Variants in AGBL1 observed in about 807,000 individuals in gnomAD.
The protein encoded by AGBL1 is AGBL carboxypeptidase 1.
AGBL1 carries 130 observed loss-of-function variants against 118.9 expected under a neutral mutation model. The observed-to-expected ratio is 1.09, with a 90% CI of 0.95 to 1.26. AGBL1 has a LOEUF of 1.26. Among genes scored for constraint, AGBL1 ranks in the 50% most tolerant of loss-of-function variants. The probability of loss-of-function intolerance (pLI) is 0.00; values close to 1 mark genes in which losing one functional copy is unlikely to be tolerated. For missense variants in AGBL1, 1,584 were observed against 1,298.1 expected, an observed-to-expected ratio of 1.22 and a Z score of -3.38; for synonymous variants, 555 against 478.9, an observed-to-expected ratio of 1.16 and a Z score of -2.08.
intron 1 of AGBL1, among the ~76,000 whole-genome samples, chr15:86,103,224 T>G (rs114884950): frequency 6.0e-4 from 92 of 152,318 alleles, no homozygotes; most frequent in Admixed American, 1.6e-3. Context: ...ATTTGTATTG[T>G]TCATCTGTGT....
At chr15:86,797,493 G>A (rs1201974113) in intron 22 of AGBL1, among the ~76,000 whole-genome samples, 8 of 152,150 alleles carry the variant, frequency 5.3e-5, no homozygotes, top group Non-Finnish European at 1.0e-4. Flanking sequence ...TGCTCACTCT[G>A]AGAAATAAAA....
intron 22 of AGBL1, among the ~76,000 whole-genome samples, chr15:86,676,686 C>T (rs538468887): frequency 2.0e-4 from 31 of 152,144 alleles, no homozygotes; most frequent in Non-Finnish European, 2.9e-4. Context: ...CTCCTCCTGC[C>T]TCTTTCTTTG....
intron 1 of AGBL1, among the ~76,000 whole-genome samples, chr15:86,139,275 T>C (rs1043689661): frequency 6.6e-6 from 1 of 151,328 alleles, no homozygotes; most frequent in Non-Finnish European, 1.5e-5. Flanking sequence ...AAGTCCACAC[T>C]GTCTCTGAGT....
At position 86,712,231 on chromosome 15, in the gene AGBL1, T is replaced by C. The variant is rs545712966; in HGVS notation, c.3158+37795T>C. Among the ~76,000 whole-genome samples, 13 of 152,204 alleles carry C rather than the reference T, an allele frequency of 8.5e-5. No individual in the cohort carries two copies. In the East Asian group the frequency reaches 2.5e-3, roughly 29 times the overall value. The stretch of plus-strand genomic sequence containing the variant: ...GTTTATCATGGATTTAGGGTAGAAA[T>C]AATTAAAACAAACAAAGCAATAATA... On this transcript the variant is annotated intron_variant, in intron 22 of 22. Transcript: ENST00000614907.
chr15:87,021,161 C>T (rs2081660630), intron 24 of AGBL1, among the ~76,000 whole-genome samples: 1 of 152,038 alleles, frequency 6.6e-6, no homozygotes, highest in African/African-American at 2.4e-5. Context: ...ACACATAGAC[C>T]AGTGGAACAG....
At chr15:86,129,141 T>C (rs2076786693) in intron 1 of AGBL1, among the ~76,000 whole-genome samples, 2 of 152,254 alleles carry the variant, frequency 1.3e-5, no homozygotes, top group Non-Finnish European at 2.9e-5. Flanking sequence ...GAATATAATG[T>C]CTCATTCTAG....
chr15:86,270,830 G>A (rs1028279168), intron 14 of AGBL1, among the ~76,000 whole-genome samples: 1 of 152,138 alleles, frequency 6.6e-6, no homozygotes, highest in Admixed American at 6.5e-5. Context: ...ACAGTTCTGG[G>A]GTTCAGAAGT....
intron 21 of AGBL1, among the ~76,000 whole-genome samples, chr15:86,584,565 G>A (rs2084219154): frequency 6.6e-6 from 1 of 152,074 alleles, no homozygotes; most frequent in Non-Finnish European, 1.5e-5. Flanking sequence ...CCAGTACCAT[G>A]CTGTTTTGGT....
At chr15:86,328,047 A>G (rs578182163) in intron 17 of AGBL1, among the ~76,000 whole-genome samples, 15 of 152,360 alleles carry the variant, frequency 9.8e-5, no homozygotes, top group Admixed American at 5.2e-4. Context: ...GAAGCTCATA[A>G]TACATAATTT....
chr15:86,825,789 C>CT lies in AGBL1; in HGVS notation c.3159-81289dup, dbSNP rs879344465. On this transcript the variant is annotated intron_variant, in intron 22 of 22. Coordinates refer to ENST00000614907, the MANE Select transcript of AGBL1 (RefSeq NM_001386094.1). ...AATGGGATACCTATCAGAATGGCTA[C>CT]TTTTTTTTTAAGTGATAGCACTAAA... Among the ~76,000 whole-genome samples, 1,145 of 149,014 alleles carry CT rather than the reference C, an allele frequency of 7.7e-3. 5 individuals carry two copies. The highest frequency in any genetic ancestry group is 0.013 in the Non-Finnish European group (840 of 67,196).
At chr15:86,182,126 G>A (rs2077561105) in intron 5 of AGBL1, among the ~76,000 whole-genome samples, 1 of 152,140 alleles carries the variant, frequency 6.6e-6, no homozygotes, top group African/African-American at 2.4e-5. Context: ...GTTTCGGTGG[G>A]ACAAATAATT....
intron 22 of AGBL1, among the ~76,000 whole-genome samples, chr15:86,773,585 G>A (rs913424775): frequency 2.1e-5 from 3 of 141,922 alleles, no homozygotes; most frequent in African/African-American, 8.0e-5. Context: ...TCCCACCTAT[G>A]AGTGAGAACA....
chr15:86,982,618 C>T (rs976193748), intron 23 of AGBL1, among the ~76,000 whole-genome samples: 15 of 152,154 alleles, frequency 9.9e-5, no homozygotes, highest in Non-Finnish European at 4.4e-5. Context: ...TCCTCCTGAG[C>T]CTACTCAATG....
intron 21 of AGBL1, among the ~76,000 whole-genome samples, chr15:86,614,545 T>A (rs1436531279): frequency 6.6e-6 from 1 of 152,204 alleles, no homozygotes; most frequent in Non-Finnish European, 1.5e-5. Context: ...AGGTTTGAAA[T>A]GAGCTTTGAT....
chr15:86,264,200 T>C (rs1308848776), intron 10 of AGBL1, 58 bp from the exon 11 acceptor site: 2 of 1,348,652 alleles, frequency 1.5e-6, no homozygotes, highest in East Asian at 2.5e-5. Context: ...AGGGATCAAA[T>C]TGTATTCCCT....
At chr15:86,175,934 G>T (rs1038303475) in intron 5 of AGBL1, among the ~76,000 whole-genome samples, 1 of 152,150 alleles carries the variant, frequency 6.6e-6, no homozygotes, top group African/African-American at 2.4e-5. Flanking sequence ...AATGTTCCAT[G>T]TGCTGATGAG....
chr15:86,341,170 AT>A (rs2141881892), intron 17 of AGBL1, among the ~76,000 whole-genome samples: 1 of 152,286 alleles, frequency 6.6e-6, no homozygotes, highest in South Asian at 2.1e-4. Flanking sequence ...AGGGTGCTTC[AT>A]TGGGACCTGT....
intron 21 of AGBL1, among the ~76,000 whole-genome samples, chr15:86,636,281 G>A (rs2085081572): frequency 1.3e-5 from 2 of 152,086 alleles, no homozygotes; most frequent in African/African-American, 4.8e-5. Flanking sequence ...ACCTTCTTTA[G>A]TTTCTTAATA....
chr15:86,773,218 G>T (rs1408834220), intron 22 of AGBL1, among the ~76,000 whole-genome samples: 1 of 152,000 alleles, frequency 6.6e-6, no homozygotes, highest in Non-Finnish European at 1.5e-5. Context: ...CTATCCAGGT[G>T]GGGAAAAAGA....
Sources: gnomAD v4.1 joint callset for allele counts (sites outside exome capture counted in the v4.1 genomes callset) on GRCh38, gnomAD v4.1.1 for gene constraint, MANE v1.5 for transcripts, NCBI Gene and HGNC (gene_info 2026-07-23, HGNC 2026-07-21) for gene names.